TBXAS1: variants seen among roughly 807,000 people sequenced by gnomAD.
The protein encoded by TBXAS1 is thromboxane-A synthase.
In TBXAS1, 48 loss-of-function variants were observed where a neutral mutation model predicts 60.7. That is an observed-to-expected ratio of 0.79 (90% CI 0.63 to 1.01). The LOEUF (loss-of-function observed/expected upper bound fraction) is 1.01, where lower values mean the gene tolerates loss of function less well. Ranked by LOEUF, TBXAS1 falls within the 50% of genes least tolerant of loss-of-function variation. The pLI is 0.00. For missense variants in TBXAS1, 685 were observed against 686.3 expected (o/e 1.00, Z 0.02); for synonymous variants, 287 against 269.7 (o/e 1.06, Z -0.63).
chr7:139,835,501 T>G (rs1798998674), intron 1 of TBXAS1, among the ~76,000 whole-genome samples: 2 of 152,222 alleles, frequency 1.3e-5, no homozygotes, highest in Admixed American at 1.3e-4. Context: ...ATAAATGTGA[T>G]ACGCCACATA....
At chr7:139,826,304 G>A (rs1350695782), upstream of TBXAS1, among the ~76,000 whole-genome samples, 2 of 152,202 alleles carry the variant, frequency 1.3e-5, no homozygotes, top group African/African-American at 4.8e-5. Context: ...AAAAAGGAGA[G>A]GGGTGGGGAG....
intron 5 of TBXAS1, among the ~76,000 whole-genome samples, chr7:139,939,990 G>T (rs975514997): frequency 6.6e-6 from 1 of 152,184 alleles, no homozygotes; most frequent in Admixed American, 6.5e-5. Flanking sequence ...TAATTTTCCC[G>T]CACCCGCGGA....
chr7:139,930,006 A>G (rs1043256761), intron 4 of TBXAS1, among the ~76,000 whole-genome samples: 3 of 152,130 alleles, frequency 2.0e-5, no homozygotes, highest in African/African-American at 7.2e-5. Context: ...TCCTACCAAG[A>G]TTCTGGAGGC....
chr7:139,902,597 A>C (rs960497606), intron 3 of TBXAS1, among the ~76,000 whole-genome samples: 3 of 152,108 alleles, frequency 2.0e-5, no homozygotes, highest in African/African-American at 7.3e-5. Flanking sequence ...TGTTCTGTGA[A>C]TGTAAGTTTT....
chr7:139,937,109 T>C (rs1330666920), intron 5 of TBXAS1, among the ~76,000 whole-genome samples: 1 of 152,190 alleles, frequency 6.6e-6, no homozygotes, highest in Non-Finnish European at 1.5e-5. Context: ...GCCCCCTCAA[T>C]TGCTGGTCTG....
chr7:139,920,947 G>A (rs1806421178), intron 4 of TBXAS1, among the ~76,000 whole-genome samples: 1 of 152,162 alleles, frequency 6.6e-6, no homozygotes, highest in Non-Finnish European at 1.5e-5. Context: ...TGCAGGTCAG[G>A]TTGCTTCCAT....
At chr7:139,878,188 A>G (rs1448805538) in intron 3 of TBXAS1, among the ~76,000 whole-genome samples, 1 of 142,998 alleles carries the variant, frequency 7.0e-6, no homozygotes, top group African/African-American at 2.6e-5. Context: ...GGAGAGAGAA[A>G]GAGACAGAGA....
intron 3 of TBXAS1, among the ~76,000 whole-genome samples, chr7:139,893,400 T>G (rs1289064271): frequency 1.3e-5 from 2 of 150,134 alleles, no homozygotes; most frequent in African/African-American, 4.9e-5. Flanking sequence ...TATACATGCC[T>G]GGGCATAACG....
At position 139,962,088 on chromosome 7, in the gene TBXAS1, A is replaced by T. The variant is rs1282335665; in HGVS notation, c.989A>T (p.Glu330Val). Residue 330 changes from glutamate to valine, a missense_variant, in exon 9 of 13, where the codon GAG becomes GTG. By Grantham distance (121) the Glu-to-Val change is moderately radical. Coordinates refer to ENST00000448866, the MANE Select transcript of TBXAS1 (RefSeq NM_001061.7). The stretch of plus-strand genomic sequence containing the variant: ...ATGGCCAGGCCTTTGACTGTGGATG[A>T]GATTGTGGGCCAGGCCTTCATCTTC... ...SPMARPLTVD[E>V]IVGQAFIFLI... The T allele has an allele frequency of 1.2e-6, 2 of 1,614,192 alleles. No homozygotes were observed. Among genetic ancestry groups the T allele is most frequent in the South Asian group, 2.2e-5 (2 of 91,078 alleles).
intron 4 of TBXAS1, among the ~76,000 whole-genome samples, chr7:139,794,931 T>G (rs1797514790): frequency 6.9e-6 from 1 of 144,396 alleles, no homozygotes; most frequent in Non-Finnish European, 1.5e-5. Flanking sequence ...ACATTTGTGT[T>G]GGTTCCAAGT....
At chr7:139,912,403 T>A (rs958872987) in intron 4 of TBXAS1, among the ~76,000 whole-genome samples, 4 of 152,200 alleles carry the variant, frequency 2.6e-5, no homozygotes, top group Non-Finnish European at 5.9e-5. Flanking sequence ...TTAATAAACA[T>A]GTTTGTGAGA....
At chr7:139,868,375 G>A (rs1005555368) in intron 1 of TBXAS1, among the ~76,000 whole-genome samples, 1 of 152,134 alleles carries the variant, frequency 6.6e-6, no homozygotes, top group African/African-American at 2.4e-5. Context: ...GACCCTGTAA[G>A]ACTCACTCAT....
chr7:139,792,031 C>T (rs1797401760), intron 4 of TBXAS1, among the ~76,000 whole-genome samples: 1 of 151,926 alleles, frequency 6.6e-6, no homozygotes. Context: ...ATGCTATATC[C>T]CATAGAAAGC....
chr7:139,945,220 C>G (rs1382019990), intron 5 of TBXAS1, among the ~76,000 whole-genome samples: 2 of 152,234 alleles, frequency 1.3e-5, no homozygotes, highest in Non-Finnish European at 2.9e-5. Flanking sequence ...GCTGCTCTCT[C>G]CATGGCTTCA....
chr7:139,822,682 G>A (rs1421300188), intron 4 of TBXAS1, among the ~76,000 whole-genome samples: 2 of 152,152 alleles, frequency 1.3e-5, no homozygotes, highest in African/African-American at 2.4e-5. Flanking sequence ...ATTCAGGGGT[G>A]ATCCTTGACG....
intron 9 of TBXAS1, among the ~76,000 whole-genome samples, chr7:139,973,333 T>C (rs1339736997): frequency 6.6e-6 from 1 of 152,148 alleles, no homozygotes; most frequent in East Asian, 1.9e-4. Context: ...AATCAGCAAA[T>C]TAATAGCTTC....
intron 1 of TBXAS1, among the ~76,000 whole-genome samples, chr7:139,865,602 GGAA>G: frequency 1.0e-5 from 1 of 97,102 alleles, no homozygotes; most frequent in South Asian, 3.4e-4. Context: ...AGGAGGAGGA[GGAA>G]GAGGAGGAGG....
At chr7:139,878,866 C>A (rs571014043) in intron 3 of TBXAS1, among the ~76,000 whole-genome samples, 12 of 152,192 alleles carry the variant, frequency 7.9e-5, no homozygotes, top group African/African-American at 2.9e-4. Flanking sequence ...CATTATTTGA[C>A]AAGTGAAATG....
chr7:139,991,994 C>T (rs908235972), intron 9 of TBXAS1, among the ~76,000 whole-genome samples: 7 of 152,174 alleles, frequency 4.6e-5, no homozygotes, highest in Non-Finnish European at 8.8e-5. Flanking sequence ...TCGTGGGAAT[C>T]CCTCATATGG....
Sources: allele counts gnomAD v4.1 joint callset (sites outside exome capture counted in the v4.1 genomes callset), GRCh38; gene constraint gnomAD v4.1.1; transcripts MANE v1.5; gene names NCBI Gene and HGNC (gene_info 2026-07-23, HGNC 2026-07-21).